The following LRMDA variants were observed in gnomAD, a reference collection of about 807,000 sequenced individuals.
The protein encoded by LRMDA is leucine-rich melanocyte differentiation-associated protein.
In LRMDA, 18 loss-of-function variants were observed where a neutral mutation model predicts 29.8. The ratio of observed to expected loss-of-function variants is 0.60; its 90% CI spans 0.42 to 0.90. The LOEUF (loss-of-function observed/expected upper bound fraction) is 0.90, where lower values mean the gene tolerates loss of function less well. Ranked by LOEUF, LRMDA falls within the 40% of genes least tolerant of loss-of-function variation. The probability of loss-of-function intolerance (pLI) is 0.00; values close to 1 mark genes in which losing one functional copy is unlikely to be tolerated. For synonymous variants in LRMDA, 125 were observed against 109.4 expected, an observed-to-expected ratio of 1.14 and a Z score of -0.89; for missense variants, 273 against 273.9, an observed-to-expected ratio of 1.00 and a Z score of 0.02.
chr10:75,532,106 G>T (rs1031320509), intron 2 of LRMDA, among the ~76,000 whole-genome samples: 1 of 151,654 alleles, frequency 6.6e-6, no homozygotes, highest in Non-Finnish European at 1.5e-5. Flanking sequence ...GTACAAGGGG[G>T]TGTTTAAAAA....
intron 2 of LRMDA, among the ~76,000 whole-genome samples, chr10:75,449,094 G>A (rs1012473011): frequency 1.3e-5 from 2 of 150,100 alleles, no homozygotes; most frequent in African/African-American, 4.9e-5. Flanking sequence ...GGAAGTTGCA[G>A]TGAGCCAAGA....
At chr10:76,527,572 CT>C (rs1283598900) in intron 6 of LRMDA, among the ~76,000 whole-genome samples, 3 of 152,076 alleles carry the variant, frequency 2.0e-5, no homozygotes, top group African/African-American at 7.2e-5. Context: ...GATTTAACAT[CT>C]TTTTGCCTTA....
intron 4 of LRMDA, among the ~76,000 whole-genome samples, chr10:76,056,142 G>A (rs1001899820): frequency 1.3e-5 from 2 of 152,174 alleles, no homozygotes; most frequent in Admixed American, 6.5e-5. Flanking sequence ...CTGCAGGCAG[G>A]TCATCTCAGT....
chr10:75,468,750 T>C (rs1478522033), intron 2 of LRMDA, among the ~76,000 whole-genome samples: 2 of 149,212 alleles, frequency 1.3e-5, no homozygotes, highest in Admixed American at 1.3e-4. Context: ...CTGCTGGGGG[T>C]GGAGTGGGGA....
intron 5 of LRMDA, among the ~76,000 whole-genome samples, chr10:76,187,881 C>T (rs1231336692): frequency 6.6e-6 from 1 of 152,006 alleles, no homozygotes; most frequent in Non-Finnish European, 1.5e-5. Flanking sequence ...TATTTTCATC[C>T]TGGGGATTGC....
At chr10:75,805,382 A>G (rs1038351803) in intron 2 of LRMDA, among the ~76,000 whole-genome samples, 1 of 152,190 alleles carries the variant, frequency 6.6e-6, no homozygotes, top group Non-Finnish European at 1.5e-5. Context: ...CTGGCTTCGT[A>G]TGGCACTGAA....
At chr10:75,704,245 C>G (rs1842340193) in intron 2 of LRMDA, among the ~76,000 whole-genome samples, 1 of 152,116 alleles carries the variant, frequency 6.6e-6, no homozygotes, top group Non-Finnish European at 1.5e-5. Flanking sequence ...TTTTTCAGTT[C>G]AACAATAACC....
chr10:76,009,304 C>A (rs1177714773), intron 2 of LRMDA, among the ~76,000 whole-genome samples: 1 of 152,170 alleles, frequency 6.6e-6, no homozygotes, highest in East Asian at 1.9e-4. Flanking sequence ...AGATGCATCC[C>A]TCATCAAATA....
chr10:76,034,461 C>G lies in LRMDA; in HGVS notation c.132-1547C>G, dbSNP rs1848205239. ...GGGCTGGCAGTGTTGGTTGGAGGAG[C>G]AGGCGTGCTCTGGGAGTCGAGTCCT... On this transcript the variant is annotated intron_variant, in intron 2 of 6. Transcript: ENST00000611255. Among the ~76,000 whole-genome samples, 4 of 152,238 alleles carry G rather than the reference C, an allele frequency of 2.6e-5. No individual in the cohort carries two copies. The South Asian group carries it at 8.3e-4, about 32-fold the overall frequency.
At chr10:75,536,471 T>C (rs1160421857) in intron 2 of LRMDA, among the ~76,000 whole-genome samples, 2 of 152,174 alleles carry the variant, frequency 1.3e-5, no homozygotes, top group Non-Finnish European at 2.9e-5. Context: ...TACTGAGGTA[T>C]GCTCTTCTCT....
chr10:75,625,775 A>G (rs572171530), intron 2 of LRMDA, among the ~76,000 whole-genome samples: 1 of 152,316 alleles, frequency 6.6e-6, no homozygotes, highest in Admixed American at 6.5e-5. Context: ...AATTTTATGA[A>G]AAGTATCATA....
chr10:76,120,689 G>A (rs1285041343), intron 5 of LRMDA, among the ~76,000 whole-genome samples: 1 of 152,146 alleles, frequency 6.6e-6, no homozygotes, highest in Non-Finnish European at 1.5e-5. Flanking sequence ...ATCCTCTTAG[G>A]TTGGTGCAGA....
At chr10:76,145,876 T>G (rs1233947515) in intron 5 of LRMDA, among the ~76,000 whole-genome samples, 7 of 151,270 alleles carry the variant, frequency 4.6e-5, no homozygotes, top group Non-Finnish European at 7.4e-5. Flanking sequence ...GTCCCAGAGA[T>G]TCTGGTATGT....
chr10:76,186,531 A>G (rs1215892156), intron 5 of LRMDA, among the ~76,000 whole-genome samples: 1 of 152,194 alleles, frequency 6.6e-6, no homozygotes, highest in Non-Finnish European at 1.5e-5. Context: ...CCTGGTGGCA[A>G]TAGGTTTCCT....
intron 2 of LRMDA, among the ~76,000 whole-genome samples, chr10:75,504,691 T>G (rs968621415): frequency 6.6e-6 from 1 of 152,072 alleles, no homozygotes; most frequent in Admixed American, 6.6e-5. Context: ...TAACAGCATG[T>G]GCAAAGGCCT....
chr10:76,377,028 A>G (rs577416992), intron 6 of LRMDA, among the ~76,000 whole-genome samples: 82 of 151,186 alleles, frequency 5.4e-4, no homozygotes, highest in African/African-American at 2.0e-3. Flanking sequence ...TGGGACTACA[A>G]GTGCCTGCCA....
chr10:76,184,430 T>C (rs1851109872), intron 5 of LRMDA, among the ~76,000 whole-genome samples: 1 of 152,246 alleles, frequency 6.6e-6, no homozygotes, highest in Non-Finnish European at 1.5e-5. Flanking sequence ...AAGCAAGAGA[T>C]GATCAATTCC....
chr10:76,429,700 A>T (rs1297426665), intron 6 of LRMDA, among the ~76,000 whole-genome samples: 1 of 152,220 alleles, frequency 6.6e-6, no homozygotes, highest in Non-Finnish European at 1.5e-5. Flanking sequence ...TTTTAGCCTC[A>T]GTCCCCTTTC....
rs534916953 is a variant in LRMDA, at chr10:75,821,305, G to T, written c.132-214703G>T. Among the ~76,000 whole-genome samples, 13 of 152,266 alleles carry T rather than the reference G, an allele frequency of 8.5e-5. No individual in the cohort carries two copies. The East Asian group carries it at 1.5e-3, about 18-fold the overall frequency. On this transcript the variant is annotated intron_variant, in intron 2 of 6. Coordinates refer to ENST00000611255, the MANE Select transcript of LRMDA (RefSeq NM_001305581.2). The stretch of plus-strand genomic sequence containing the variant: ...ACTGAATCCAATAGCACATAAAAAA[G>T]ATAGTATACTGTGATCAGGTGGGTT...
Sources: allele counts gnomAD v4.1 joint callset (sites outside exome capture counted in the v4.1 genomes callset), GRCh38; gene constraint gnomAD v4.1.1; transcripts MANE v1.5; gene names NCBI Gene and HGNC (gene_info 2026-07-23, HGNC 2026-07-21).